WDR47: variants seen among roughly 807,000 people sequenced by gnomAD.
The protein encoded by WDR47 is WD repeat-containing protein 47.
A neutral mutation model predicts 97.2 loss-of-function variants in WDR47; 32 were observed. That is an observed-to-expected ratio of 0.33 (90% CI 0.25 to 0.44). The LOEUF (loss-of-function observed/expected upper bound fraction) is 0.44, where lower values mean the gene tolerates loss of function less well. Ranked by LOEUF, WDR47 falls within the 20% of genes least tolerant of loss-of-function variation. WDR47 has a pLI of 1.00. For missense variants in WDR47, 782 were observed against 1,102.3 expected, an observed-to-expected ratio of 0.71 and a Z score of 4.11; for synonymous variants, 375 against 373.5, an observed-to-expected ratio of 1.00 and a Z score of -0.05.
Position 108,995,958 on chromosome 1 carries a change from T to A in WDR47, c.1434-121A>T, listed in dbSNP as rs568558294. ...CATATAATATATAATCTATGGCAAA[T>A]TTAGTGTTAAAAATTACCACCATCA... On this transcript the variant is annotated intron_variant, in intron 7 of 14. Transcript: ENST00000369962. 25 of 1,033,618 alleles carry A rather than the reference T, an allele frequency of 2.4e-5. No individual in the cohort carries two copies. In the East Asian group the frequency reaches 6.3e-4, roughly 26 times the overall value. The allele number at this position is 1,033,618 out of a possible 1,614,324, so 64.0% of individuals were successfully genotyped here. A position where few individuals can be genotyped will look rare whatever the true frequency, so the allele number is the denominator to read the frequency against.
rs375877843 is a variant in WDR47 at position 108,991,341 on chromosome 1, G to C, written c.1692-12C>G. The C allele has an allele frequency of 1.2e-4, 189 of 1,603,880 alleles. No individual in the cohort carries two copies. The highest frequency in any genetic ancestry group is 1.2e-4 in the Non-Finnish European group (140 of 1,173,164). ...AATGTTCTGAAGAGCTGTGGGAGTA[G>C]AAATTCAAGTAAAGTTTACTCCATG... On this transcript the variant is annotated splice_polypyrimidine_tract_variant and intron_variant, in intron 8 of 14. Coordinates refer to ENST00000369962, the MANE Select transcript of WDR47 (RefSeq NM_001142551.2).
chr1:109,035,115 G>A (rs1345213528), intron 1 of WDR47, among the ~76,000 whole-genome samples: 5 of 151,532 alleles, frequency 3.3e-5, no homozygotes, highest in African/African-American at 1.2e-4. Flanking sequence ...GCGTGGTGGT[G>A]CAGGCCTGAG....
Position 109,004,709 on chromosome 1 carries a change from T to G in WDR47, c.1137A>C (p.Thr379=), listed in dbSNP as rs1052344969. 44 of 1,593,800 alleles carry G rather than the reference T, an allele frequency of 2.8e-5. No individual in the cohort carries two copies. The East Asian group carries it at 1.0e-3, about 36-fold the overall frequency. ...CGATAGGCCTCTGTGCATCAACAGGTGTATCACTTCTTCCAGAAACGTGCA... is the reference window on the plus strand; with the variant it reads ...CGATAGGCCTCTGTGCATCAACAGGGGTATCACTTCTTCCAGAAACGTGCA... The part of the protein sequence containing the change: ...SIYEESPERD[T]PVDAQRPIGS... Residue 379 remains threonine, a synonymous_variant, in exon 6 of 15, where the codon ACA becomes ACC. Transcript: ENST00000369962.
rs1362260094 is a variant in WDR47 at position 109,001,880 on chromosome 1, G to C, written c.1433+344C>G. ...CACTCCAGACTGGGCGACAGAGTGA[G>C]AGCCTTGCCTCAAAAAAAAAAAAGC... On this transcript the variant is annotated intron_variant, in intron 7 of 14. Transcript: ENST00000369962. Among the ~76,000 whole-genome samples, 7 of 151,110 alleles carry C rather than the reference G, an allele frequency of 4.6e-5. No homozygotes were observed. The South Asian group carries it at 1.5e-3, about 32-fold the overall frequency.
At chr1:108,979,227 C>T (rs777051209) in intron 13 of WDR47, among the ~76,000 whole-genome samples, 5 of 151,792 alleles carry the variant, frequency 3.3e-5, no homozygotes, top group African/African-American at 4.8e-5. Context: ...AGAAACTACA[C>T]AAATAAACAA....
intron 7 of WDR47, among the ~76,000 whole-genome samples, chr1:108,999,769 C>T (rs1017249564): frequency 2.6e-5 from 4 of 151,706 alleles, no homozygotes; most frequent in African/African-American, 4.8e-5. Context: ...TTTCTGAGGA[C>T]GTACATCACT....
chr1:109,018,769 G>A (rs1292452396), intron 2 of WDR47, among the ~76,000 whole-genome samples: 1 of 150,250 alleles, frequency 6.7e-6, no homozygotes, highest in Non-Finnish European at 1.5e-5. Context: ...AGCTGAGATT[G>A]TGCCACTGCA....
chr1:109,002,854 G>T (rs1266534697), intron 6 of WDR47, among the ~76,000 whole-genome samples: 1 of 152,122 alleles, frequency 6.6e-6, no homozygotes, highest in Non-Finnish European at 1.5e-5. Context: ...AATGGATGGG[G>T]TAAAAAGGGA....
rs1321192596 is a variant in WDR47, at chr1:108,995,810, A to G, written c.1461T>C (p.Asn487=). Residue 487 remains asparagine, a synonymous_variant, in exon 8 of 15, where the codon AAT becomes AAC. Coordinates refer to ENST00000369962, the MANE Select transcript of WDR47 (RefSeq NM_001142551.2). ...CATTACCAAGGCCATCCATTCCAAT[A>G]TTTAATTCACCAAGCTTTTGAATGG... ...NRSIQKLGEL[N]IGMDGLGNEV... The G allele has an allele frequency of 6.2e-7, 1 of 1,613,988 alleles. No individual in the cohort carries two copies. Among genetic ancestry groups the G allele is most frequent in the East Asian group, 2.2e-5 (1 of 44,884 alleles).
intron 3 of WDR47, among the ~76,000 whole-genome samples, chr1:109,015,547 C>A (rs912648431): frequency 6.6e-6 from 1 of 151,824 alleles, no homozygotes; most frequent in Non-Finnish European, 1.5e-5. Flanking sequence ...AGGCTGGTCT[C>A]CAACTCCTGA....
intron 5 of WDR47, among the ~76,000 whole-genome samples, chr1:109,008,033 C>G (rs1411714533): frequency 6.6e-6 from 1 of 151,144 alleles, no homozygotes; most frequent in Non-Finnish European, 1.5e-5. Context: ...ACCCAGGAGG[C>G]AGAGGTTGCA....
At chr1:108,999,317 A>G (rs1659993506) in intron 7 of WDR47, among the ~76,000 whole-genome samples, 1 of 152,060 alleles carries the variant, frequency 6.6e-6, no homozygotes, top group Non-Finnish European at 1.5e-5. Flanking sequence ...TAATATATAA[A>G]AATTTAGGAT....
At chr1:109,018,436 CAAAA>C (rs34692365) in intron 2 of WDR47, among the ~76,000 whole-genome samples, 1 of 103,348 alleles carries the variant, frequency 9.7e-6, no homozygotes, top group Non-Finnish European at 2.0e-5. Flanking sequence ...GACTCTGTCT[CAAAA>C]AAAAAAAAAA....
At chr1:109,008,941 C>T (rs1344454573) in intron 5 of WDR47, among the ~76,000 whole-genome samples, 1 of 151,778 alleles carries the variant, frequency 6.6e-6, no homozygotes, top group East Asian at 2.0e-4. Context: ...AATTCTGGGC[C>T]GGGCGCAGTG....
At chr1:108,986,268 TA>T (rs1658796591) in intron 10 of WDR47, among the ~76,000 whole-genome samples, 1 of 151,914 alleles carries the variant, frequency 6.6e-6, no homozygotes, top group Non-Finnish European at 1.5e-5. Context: ...GCCATGGAAA[TA>T]AAGAAGTCTA....
At position 108,982,710 on chromosome 1, in the gene WDR47, C is replaced by T; in HGVS notation, c.2165G>A (p.Ser722Asn). Residue 722 changes from serine (S) to asparagine (N), a missense_variant, in exon 12 of 15, where the codon AGC becomes AAC. This residue lies in a region of WDR47 where 228 missense variants were observed against 396.7 expected (regional missense o/e 0.57). Transcript: ENST00000369962. Reference sequence around the variant, plus strand: ...AGCACTTATTAAAATAGCTCCTCCGCTTTCTGGGCCTTCCATAAATGCCAA... The same window carrying T: ...AGCACTTATTAAAATAGCTCCTCCGTTTTCTGGGCCTTCCATAAATGCCAA... ...RDLAFMEGPESGGAILISAGA... is the reference protein window; with the variant it reads ...RDLAFMEGPENGGAILISAGA... 6.2e-7 allele frequency: 1 copy of T among 1,614,034 alleles called. No individual in the cohort carries two copies. The highest frequency in any genetic ancestry group is 8.5e-7 in the Non-Finnish European group (1 of 1,180,012).
intron 1 of WDR47, among the ~76,000 whole-genome samples, chr1:109,034,836 C>T (rs1339945723): frequency 6.6e-6 from 1 of 152,028 alleles, no homozygotes; most frequent in Non-Finnish European, 1.5e-5. Context: ...TCTATATATC[C>T]TAAAAAGGAA....
chr1:109,029,234 A>G (rs1307651499), intron 1 of WDR47, among the ~76,000 whole-genome samples: 1 of 152,218 alleles, frequency 6.6e-6, no homozygotes, highest in African/African-American at 2.4e-5. Flanking sequence ...TTAATAATAC[A>G]TAAGAAACTG....
intron 4 of WDR47, among the ~76,000 whole-genome samples, chr1:109,013,223 A>G (rs1661174460): frequency 6.6e-6 from 1 of 152,198 alleles, no homozygotes; most frequent in Non-Finnish European, 1.5e-5. Context: ...TCCAGCTACC[A>G]GAACTGTAAG....
Sources: allele counts gnomAD v4.1 joint callset (sites outside exome capture counted in the v4.1 genomes callset), GRCh38; gene constraint gnomAD v4.1.1; regional missense constraint gnomAD v4.1.1; transcripts MANE v1.5; gene names NCBI Gene and HGNC (gene_info 2026-07-23, HGNC 2026-07-21).